Variants in BTBD9 observed in about 807,000 individuals in gnomAD.
The protein encoded by BTBD9 is BTB domain containing 9.
Under a neutral mutation model 64.3 loss-of-function variants are expected in BTBD9, and 49 were observed. That is an observed-to-expected ratio of 0.76 (90% CI 0.61 to 0.97). The LOEUF is 0.97. Ranked by LOEUF, BTBD9 falls within the 50% of genes least tolerant of loss-of-function variation. The probability of loss-of-function intolerance (pLI) is 0.00; values close to 1 mark genes in which losing one functional copy is unlikely to be tolerated. For synonymous variants in BTBD9, 260 were observed against 274.7 expected (o/e 0.95, Z 0.53); for missense variants, 598 against 762.1 (o/e 0.78, Z 2.53).
At chr6:38,349,336 G>A (rs926270339) in intron 6 of BTBD9, among the ~76,000 whole-genome samples, 7 of 152,178 alleles carry the variant, frequency 4.6e-5, no homozygotes, top group Non-Finnish European at 7.4e-5. Context: ...AATTCAAAGA[G>A]TAGATTATAG....
At chr6:38,252,512 AG>A (rs945370672) in intron 9 of BTBD9, among the ~76,000 whole-genome samples, 6 of 152,262 alleles carry the variant, frequency 3.9e-5, no homozygotes, top group African/African-American at 1.4e-4. Flanking sequence ...CAAGGTTAAC[AG>A]GCATATTTGC....
intron 7 of BTBD9, among the ~76,000 whole-genome samples, chr6:38,313,295 T>G (rs1203867037): frequency 6.6e-6 from 1 of 152,208 alleles, no homozygotes; most frequent in Non-Finnish European, 1.5e-5. Flanking sequence ...GTCTTTAGGT[T>G]TTTTCAAATA....
rs538129339 is a variant in BTBD9 at position 38,475,503 on chromosome 6, A to G, written c.1154+102097T>C. 3.8e-4 allele frequency among the ~76,000 whole-genome samples: 58 copies of G among 152,156 alleles called. 1 individual carries two copies. Among genetic ancestry groups the G allele is most frequent in the African/African-American group, 1.3e-3 (55 of 41,482 alleles). On this transcript the variant is annotated intron_variant, in intron 6 of 10. Coordinates refer to ENST00000481247, the MANE Select transcript of BTBD9 (RefSeq NM_001099272.2). ...CAGCATCTCAAAGCCTGCCCTCAAC[A>G]TTTACTACGCAAAGCACTAATCTGA...
chr6:38,409,950 C>T (rs1767337295), intron 6 of BTBD9, among the ~76,000 whole-genome samples: 1 of 152,128 alleles, frequency 6.6e-6, no homozygotes, highest in African/African-American at 2.4e-5. Flanking sequence ...TTTATCCAGT[C>T]AGTTATCTCC....
intron 6 of BTBD9, among the ~76,000 whole-genome samples, chr6:38,503,942 C>T (rs1055434780): frequency 1.3e-5 from 2 of 152,174 alleles, no homozygotes; most frequent in African/African-American, 4.8e-5. Context: ...CCTTTCTATT[C>T]ATTTGCTTTA....
intron 6 of BTBD9, among the ~76,000 whole-genome samples, chr6:38,401,991 A>T (rs1160356766): frequency 6.6e-6 from 1 of 152,198 alleles, no homozygotes; most frequent in African/African-American, 2.4e-5. Flanking sequence ...TAACCAGAAG[A>T]TGTTCTTTAA....
intron 7 of BTBD9, among the ~76,000 whole-genome samples, chr6:38,303,154 A>G (rs1188957601): frequency 6.6e-6 from 1 of 152,046 alleles, no homozygotes; most frequent in African/African-American, 2.4e-5. Context: ...GTGTAATCCC[A>G]TTTATCTATA....
At chr6:38,554,884 A>C (rs1341456211) in intron 6 of BTBD9, among the ~76,000 whole-genome samples, 1 of 152,258 alleles carries the variant, frequency 6.6e-6, no homozygotes, top group African/African-American at 2.4e-5. Context: ...AGTAGGCCAA[A>C]TTAAGGCTGG....
chr6:38,314,991 G>A lies in BTBD9; in HGVS notation c.1265-26530C>T, dbSNP rs957058607. Among the ~76,000 whole-genome samples the A allele has an allele frequency of 2.6e-5, 4 of 152,208 alleles. No individual in the cohort carries two copies. The East Asian group carries it at 7.7e-4, about 29-fold the overall frequency. ...CAGCCTCCAAGTATCTGGGACTACA[G>A]GCGCCCGCCACCACATCTGGCTAAT... On this transcript the variant is annotated intron_variant, in intron 7 of 10. Transcript: ENST00000481247.
chr6:38,426,131 A>C (rs997918653), intron 6 of BTBD9, among the ~76,000 whole-genome samples: 1 of 151,882 alleles, frequency 6.6e-6, no homozygotes, highest in Non-Finnish European at 1.5e-5. Flanking sequence ...GTAATTAATG[A>C]AGAATGTTTG....
At chr6:38,203,313 A>T (rs1762527888) in intron 9 of BTBD9, among the ~76,000 whole-genome samples, 2 of 152,196 alleles carry the variant, frequency 1.3e-5, no homozygotes, top group African/African-American at 4.8e-5. Context: ...ATAAATTTTT[A>T]AAAATCTAAA....
chr6:38,179,110 C>G (rs994383723), intron 10 of BTBD9, among the ~76,000 whole-genome samples: 1 of 152,162 alleles, frequency 6.6e-6, no homozygotes, highest in African/African-American at 2.4e-5. Flanking sequence ...CTCAGCCTCC[C>G]AAAGAGCTGG....
intron 6 of BTBD9, among the ~76,000 whole-genome samples, chr6:38,501,752 G>A (rs1471232219): frequency 6.6e-6 from 1 of 152,152 alleles, no homozygotes; most frequent in African/African-American, 2.4e-5. Flanking sequence ...TGTCACAACA[G>A]ATTGAATGAG....
At chr6:38,401,728 T>G (rs1766935686) in intron 6 of BTBD9, among the ~76,000 whole-genome samples, 1 of 152,068 alleles carries the variant, frequency 6.6e-6, no homozygotes, top group African/African-American at 2.4e-5. Context: ...GGCTTTGGAG[T>G]GAGTGACCTG....
intron 4 of BTBD9, among the ~76,000 whole-genome samples, chr6:38,591,394 TC>T (rs1430752620): frequency 1.3e-5 from 2 of 152,202 alleles, no homozygotes; most frequent in African/African-American, 4.8e-5. Flanking sequence ...CCATGAAATC[TC>T]CCTCAACCAT....
Position 38,215,357 on chromosome 6 carries a change from C to T in BTBD9, c.1563-22760G>A, listed in dbSNP as rs564397600. On this transcript the variant is annotated intron_variant, in intron 9 of 10. Transcript: ENST00000481247. The stretch of plus-strand genomic sequence containing the variant: ...TAAAAAGCCCTTAGAGTGATGGAGA[C>T]GAACAGGCAAGCTTCAATGTCGGCC... 5.2e-4 allele frequency among the ~76,000 whole-genome samples: 79 copies of T among 152,182 alleles called. 1 individual carries two copies. Among genetic ancestry groups the T allele is most frequent in the South Asian group, 4.2e-3 (20 of 4,816 alleles).
intron 6 of BTBD9, among the ~76,000 whole-genome samples, chr6:38,558,587 G>GT (rs1016160646): frequency 2.0e-5 from 3 of 152,060 alleles, no homozygotes; most frequent in Admixed American, 6.6e-5. Context: ...CTAGTTTGAG[G>GT]TTTTTTATCA....
intron 10 of BTBD9, 71 bp from the exon 11 acceptor site, chr6:38,175,253 G>T: frequency 6.6e-7 from 1 of 1,520,566 alleles, no homozygotes; most frequent in Non-Finnish European, 9.0e-7. Flanking sequence ...CGCAAGTTGG[G>T]ATACTGCCCT....
At chr6:38,481,425 C>T (rs1325281182) in intron 6 of BTBD9, among the ~76,000 whole-genome samples, 3 of 152,070 alleles carry the variant, frequency 2.0e-5, no homozygotes, top group East Asian at 1.9e-4. Context: ...AAAATGAGGC[C>T]GCACATCGTA....
Sources: gnomAD v4.1 joint callset for allele counts (sites outside exome capture counted in the v4.1 genomes callset) on GRCh38, gnomAD v4.1.1 for gene constraint, MANE v1.5 for transcripts, NCBI Gene and HGNC (gene_info 2026-07-23, HGNC 2026-07-21) for gene names.